EIF3H: variants seen among roughly 807,000 people sequenced by gnomAD.
The protein encoded by EIF3H is eukaryotic translation initiation factor 3 subunit H.
Under a neutral mutation model 44.2 loss-of-function variants are expected in EIF3H, and 26 were observed. The observed-to-expected ratio is 0.59, with a 90% CI of 0.43 to 0.82. The LOEUF is 0.82. Ranked by LOEUF, EIF3H falls within the 40% of genes least tolerant of loss-of-function variation. The probability of loss-of-function intolerance (pLI) is 0.00; values close to 1 mark genes in which losing one functional copy is unlikely to be tolerated. For synonymous variants in EIF3H, 166 were observed against 151.9 expected, an observed-to-expected ratio of 1.09 and a Z score of -0.68; for missense variants, 359 against 432.8, an observed-to-expected ratio of 0.83 and a Z score of 1.51.
intron 1 of EIF3H, among the ~76,000 whole-genome samples, chr8:116,739,192 T>C (rs977522976): frequency 1.3e-4 from 20 of 152,240 alleles, no homozygotes; most frequent in African/African-American, 4.8e-4. Flanking sequence ...CTTAAGGACA[T>C]GTTCCTGCTT....
intron 2 of EIF3H, among the ~76,000 whole-genome samples, chr8:116,723,395 T>C (rs968932529): frequency 4.0e-5 from 6 of 151,796 alleles, no homozygotes; most frequent in Admixed American, 2.0e-4. Context: ...CTGTGGGAGG[T>C]AATTCAAATG....
At chr8:116,650,937 C>T (rs183209308) in intron 5 of EIF3H, among the ~76,000 whole-genome samples, 1 of 152,234 alleles carries the variant, frequency 6.6e-6, no homozygotes, top group African/African-American at 2.4e-5. Context: ...GCCAGGACTC[C>T]ATTTTATAAA....
intron 2 of EIF3H, among the ~76,000 whole-genome samples, chr8:116,682,303 A>AAT (rs1446663680): frequency 2.0e-5 from 3 of 152,236 alleles, no homozygotes; most frequent in African/African-American, 7.2e-5. Flanking sequence ...AATTTAAGTC[A>AAT]ATAAAGTCTC....
intron 2 of EIF3H, among the ~76,000 whole-genome samples, chr8:116,674,775 T>TA (rs1188811169): frequency 6.6e-6 from 1 of 152,188 alleles, no homozygotes; most frequent in Non-Finnish European, 1.5e-5. Flanking sequence ...CAGTAACTCA[T>TA]AAAGCCCAAG....
intron 1 of EIF3H, among the ~76,000 whole-genome samples, chr8:116,743,422 G>A (rs1470643032): frequency 6.6e-6 from 1 of 152,100 alleles, no homozygotes; most frequent in Non-Finnish European, 1.5e-5. Context: ...CTACACTCCA[G>A]CCTGGGCAAC....
intron 1 of EIF3H, among the ~76,000 whole-genome samples, chr8:116,732,386 T>TTAA (rs1159214724): frequency 6.6e-6 from 1 of 151,924 alleles, no homozygotes; most frequent in East Asian, 1.9e-4. Flanking sequence ...TTTAGAAGAG[T>TTAA]TAAGGATGGC....
chr8:116,720,687 G>C (rs1021144341), intron 2 of EIF3H, among the ~76,000 whole-genome samples: 1 of 152,106 alleles, frequency 6.6e-6, no homozygotes, highest in Non-Finnish European at 1.5e-5. Flanking sequence ...CTTGTTGAAT[G>C]GTTTTGACCA....
rs76492736 is a variant in EIF3H, at chr8:116,732,321, A to G, written c.133-6149T>C. ...TTCTCTGTATTATAGGGTAAAATAT[A>G]AATACCAATCTAAAATAGCCAAATA... On this transcript the variant is annotated intron_variant, in intron 1 of 7. Coordinates refer to ENST00000521861, the MANE Select transcript of EIF3H (RefSeq NM_003756.3). 5.6e-3 allele frequency among the ~76,000 whole-genome samples: 854 copies of G among 152,340 alleles called. 9 individuals carry two copies. The highest frequency in any genetic ancestry group is 0.019 in the African/African-American group (810 of 41,584).
At chr8:116,743,525 C>T (rs751038473) in intron 1 of EIF3H, among the ~76,000 whole-genome samples, 28 of 151,800 alleles carry the variant, frequency 1.8e-4, no homozygotes, top group Admixed American at 3.3e-4. Context: ...AGGCGGATCA[C>T]TTGAGGCCAG....
chr8:116,746,795 A>G (rs553989590), intron 1 of EIF3H, among the ~76,000 whole-genome samples: 3 of 152,374 alleles, frequency 2.0e-5, no homozygotes, highest in Non-Finnish European at 2.9e-5. Flanking sequence ...GTCAGACTGC[A>G]TAACGAATTT....
At chr8:116,656,246 A>G (rs1813487945) in intron 4 of EIF3H, among the ~76,000 whole-genome samples, 1 of 152,176 alleles carries the variant, frequency 6.6e-6, no homozygotes, top group South Asian at 2.1e-4. Context: ...TTCTTGGCAG[A>G]AGAAACTACT....
At chr8:116,705,177 C>A (rs1814446373) in intron 2 of EIF3H, among the ~76,000 whole-genome samples, 1 of 152,090 alleles carries the variant, frequency 6.6e-6, no homozygotes, top group Admixed American at 6.5e-5. Context: ...GACCAAGATA[C>A]CTATATACAT....
chr8:116,716,815 TA>T (rs1814665338), intron 2 of EIF3H, among the ~76,000 whole-genome samples: 1 of 152,064 alleles, frequency 6.6e-6, no homozygotes, highest in Non-Finnish European at 1.5e-5. Context: ...ATCTCTGATT[TA>T]AACCATTTAT....
At chr8:116,726,392 A>C (rs778847345) in intron 1 of EIF3H, among the ~76,000 whole-genome samples, 1 of 152,178 alleles carries the variant, frequency 6.6e-6, no homozygotes. Context: ...GTTTGATTAC[A>C]TGTCAAAAAC....
chr8:116,752,722 A>AG (rs1554603832), intron 1 of EIF3H, among the ~76,000 whole-genome samples: 61 of 111,198 alleles, frequency 5.5e-4, no homozygotes, highest in Admixed American at 7.5e-4. Context: ...GAAAGAAAGA[A>AG]AGAAAGAAAG....
intron 1 of EIF3H, among the ~76,000 whole-genome samples, chr8:116,731,464 G>A (rs867749771): frequency 6.6e-6 from 1 of 152,016 alleles, no homozygotes; most frequent in African/African-American, 2.4e-5. Flanking sequence ...TTGTTTTGTT[G>A]TAACTCCTCA....
At chr8:116,743,769 C>CATATATATATATATATATATATATAT (rs150883678) in intron 1 of EIF3H, among the ~76,000 whole-genome samples, 1 of 96,998 alleles carries the variant, frequency 1.0e-5, no homozygotes, top group Non-Finnish European at 2.1e-5. Context: ...AAAATACATA[C>CATATATATATATATATATATATATAT]ATATATATAT....
At chr8:116,697,444 T>A (rs1047603618) in intron 2 of EIF3H, among the ~76,000 whole-genome samples, 2 of 152,220 alleles carry the variant, frequency 1.3e-5, no homozygotes, top group Admixed American at 1.3e-4. Context: ...ATCTTCTTAA[T>A]GACTGGGAAC....
In EIF3H at chr8:116,658,911, T is replaced by C. The variant is rs745437932; in HGVS notation, c.359A>G (p.Tyr120Cys). Residue 120 changes from tyrosine (Y) to cysteine (C), a missense_variant, in exon 3 of 8, where the codon TAT (tyrosine) becomes TGT (cysteine). Around this residue, in one of 5 missense-constraint regions of EIF3H, gnomAD observed 91 missense variants for 164.6 expected, o/e 0.55. Transcript: ENST00000521861. ...GAATGAGCCATAGTATGTGGACTGA[T>C]ACCAGCCCACGTGAAGATGATCAAT... Reference protein sequence around the residue: ...VNIDHLHVGWYQSTYYGSFVT... With the variant: ...VNIDHLHVGWCQSTYYGSFVT... The C allele has an allele frequency of 3.7e-6, 6 of 1,613,824 alleles. No homozygotes were observed. Among genetic ancestry groups the C allele is most frequent in the Non-Finnish European group, 4.2e-6 (5 of 1,179,808 alleles).
Sources: gnomAD v4.1 joint callset for allele counts (sites outside exome capture counted in the v4.1 genomes callset) on GRCh38, gnomAD v4.1.1 for gene constraint, gnomAD v4.1.1 regional missense constraint, MANE v1.5 for transcripts, NCBI Gene and HGNC (gene_info 2026-07-23, HGNC 2026-07-21) for gene names.